Variants in ZDHHC11 observed in about 807,000 individuals in gnomAD.
ZDHHC11 encodes the protein palmitoyltransferase ZDHHC11.
A neutral mutation model predicts 51.3 loss-of-function variants in ZDHHC11; 44 were observed. The ratio of observed to expected loss-of-function variants is 0.86; its 90% CI spans 0.67 to 1.10. ZDHHC11 has a LOEUF of 1.10. ZDHHC11 is among the 50% of genes least tolerant of loss of function. The pLI is 0.00. For synonymous variants in ZDHHC11, 163 were observed against 222.0 expected, an observed-to-expected ratio of 0.73 and a Z score of 2.36; for missense variants, 400 against 537.7, an observed-to-expected ratio of 0.74 and a Z score of 2.53.
At chr5:828,908 C>T (rs112619033) in intron 7 of ZDHHC11, among the ~76,000 whole-genome samples, 18,180 of 128,546 alleles carry the variant, frequency 0.14, 527 homozygotes, top group South Asian at 0.22. Context: ...ATCTTTGGGT[C>T]GACAATGAAA....
intron 1 of ZDHHC11, among the ~76,000 whole-genome samples, chr5:856,831 CCA>C (rs753548228): frequency 4.2e-4 from 64 of 150,694 alleles, no homozygotes; most frequent in African/African-American, 1.4e-3. Flanking sequence ...ACACTGCACA[CCA>C]CACACACCAA....
At chr5:825,365 C>T (rs1742199987) in intron 7 of ZDHHC11, 114 bp from the exon 8 acceptor site, 1 of 1,095,132 alleles carries the variant, frequency 9.1e-7, no homozygotes, top group African/African-American at 1.5e-5. Context: ...GCACACATGT[C>T]TCAGAAACTT....
chr5:833,221 T>C (rs1201695646), intron 7 of ZDHHC11, among the ~76,000 whole-genome samples: 1 of 152,284 alleles, frequency 6.6e-6, no homozygotes, highest in African/African-American at 2.4e-5. Flanking sequence ...AAAATGCGCG[T>C]GCCCTTTGAC....
chr5:803,206 C>T (rs1481378615), intron 11 of ZDHHC11, among the ~76,000 whole-genome samples: 3 of 151,218 alleles, frequency 2.0e-5, no homozygotes, highest in African/African-American at 4.9e-5. Context: ...TGAGGTGGTA[C>T]ATTTTGGTTA....
Position 841,906 on chromosome 5 carries a change from G to C in ZDHHC11, c.629-1256C>G, listed in dbSNP as rs535812795. 22 of 989,050 alleles carry C rather than the reference G, an allele frequency of 2.2e-5. No homozygotes were observed. In the African/African-American group the frequency reaches 3.1e-4, roughly 14 times the overall value. The allele number at this position is 989,050 out of a possible 1,614,324, so 61.3% of individuals were successfully genotyped here. On this transcript the variant is annotated intron_variant, in intron 4 of 12. Coordinates refer to ENST00000283441, the MANE Select transcript of ZDHHC11 (RefSeq NM_024786.3). ...TGACAGACCCTCTCTGGAACTGGTG[G>C]CCTCGGGGCCATCCTAGAAGGCAAA...
intron 10 of ZDHHC11, among the ~76,000 whole-genome samples, chr5:815,007 A>G (rs537083478): frequency 6.6e-6 from 1 of 151,534 alleles, no homozygotes; most frequent in South Asian, 2.1e-4. Flanking sequence ...CCAAATTCAT[A>G]GGTTGACATC....
At chr5:849,582 C>CA (rs1172886638) in intron 1 of ZDHHC11, 2 of 152,262 alleles carry the variant, frequency 1.3e-5, no homozygotes, top group East Asian at 1.9e-4. Flanking sequence ...AAACCCCCCT[C>CA]AGACTCCCTC....
rs1742198498 is a variant in ZDHHC11, at chr5:825,361, A to G, written c.936-110T>C. 4.4e-6 allele frequency: 5 copies of G among 1,128,026 alleles called. No homozygotes were observed. The Admixed American group carries it at 9.2e-5, about 21-fold the overall frequency. The allele number at this position is 1,128,026 out of a possible 1,614,324, so 69.9% of individuals were successfully genotyped here. On this transcript the variant is annotated intron_variant, in intron 7 of 12. Coordinates refer to ENST00000283441, the MANE Select transcript of ZDHHC11 (RefSeq NM_024786.3). ...TCAGCACCACTGCTGTGGGGCACACATGTCTCAGAAACTTGTAGACCAGCA... is the reference window on the plus strand; with the variant it reads ...TCAGCACCACTGCTGTGGGGCACACGTGTCTCAGAAACTTGTAGACCAGCA...
At position 806,318 on chromosome 5, in the gene ZDHHC11, T is replaced by C. The variant is rs576438136; in HGVS notation, c.1182-5154A>G. 1.0e-3 allele frequency among the ~76,000 whole-genome samples: 154 copies of C among 151,114 alleles called. 4 individuals carry two copies. Among genetic ancestry groups the C allele is most frequent in the African/African-American group, 3.5e-3 (144 of 41,090 alleles). ...GTGGGGAGAGGGCCTGCTCAATGAA[T>C]GGAGCTGGAAACAATACAAATCCAT... is the stretch of plus-strand genomic sequence containing the variant. On this transcript the variant is annotated intron_variant, in intron 11 of 12. Transcript: ENST00000283441.
chr5:829,241 A>G (rs753068460), intron 7 of ZDHHC11, among the ~76,000 whole-genome samples: 7 of 151,338 alleles, frequency 4.6e-5, no homozygotes, highest in Non-Finnish European at 4.4e-5. Context: ...AACAAAATTG[A>G]TTGACCATTA....
chr5:813,951 A>C (rs1191047420), intron 11 of ZDHHC11, among the ~76,000 whole-genome samples: 1 of 150,798 alleles, frequency 6.6e-6, no homozygotes, highest in African/African-American at 2.5e-5. Context: ...TTTCCACTTC[A>C]TTTTCTTTTA....
chr5:842,214 C>T, intron 4 of ZDHHC11: 1 of 985,844 alleles, frequency 1.0e-6, no homozygotes, highest in Non-Finnish European at 1.2e-6. Flanking sequence ...ATCTTGGCCA[C>T]CTCTGCTCTC....
chr5:834,547 T>C (rs1309759041), intron 6 of ZDHHC11, among the ~76,000 whole-genome samples: 17 of 152,186 alleles, frequency 1.1e-4, no homozygotes, highest in Non-Finnish European at 1.9e-4. Flanking sequence ...AATTGCACTT[T>C]GAAAGCTCTT....
At chr5:852,009 T>C (rs562383340), upstream of ZDHHC11, among the ~76,000 whole-genome samples, 7 of 150,672 alleles carry the variant, frequency 4.6e-5, no homozygotes, top group African/African-American at 1.7e-4. Context: ...TGAGCCAAGA[T>C]TGCACCACTG....
chr5:801,687 T>G (rs1461125108), intron 11 of ZDHHC11, among the ~76,000 whole-genome samples: 297 of 150,560 alleles, frequency 2.0e-3, no homozygotes, highest in African/African-American at 6.9e-3. Flanking sequence ...CAGCTGGCAG[T>G]AGAAGTGACC....
chr5:824,765 TATTTAA>T (rs1218292344), intron 8 of ZDHHC11, among the ~76,000 whole-genome samples: 1 of 89,228 alleles, frequency 1.1e-5, no homozygotes, highest in African/African-American at 1.5e-4. Flanking sequence ...CTAAGCATTT[TATTTAA>T]AAAAAAAAAA....
chr5:807,396 C>T (rs1191599025), intron 11 of ZDHHC11, among the ~76,000 whole-genome samples: 4 of 151,266 alleles, frequency 2.6e-5, no homozygotes, highest in Admixed American at 2.6e-4. Context: ...GGTGCAAGGA[C>T]TTGGAATAGG....
intron 6 of ZDHHC11, among the ~76,000 whole-genome samples, chr5:835,621 T>C (rs1390413125): frequency 6.6e-6 from 1 of 152,086 alleles, no homozygotes; most frequent in Non-Finnish European, 1.5e-5. Flanking sequence ...CACCTTGTCA[T>C]TTCTGCTAAA....
intron 1 of ZDHHC11, among the ~76,000 whole-genome samples, chr5:858,399 CGT>C (rs1748588457): frequency 7.1e-6 from 1 of 140,892 alleles, no homozygotes; most frequent in African/African-American, 2.8e-5. Flanking sequence ...TCCAGGTCCC[CGT>C]CCTGTCTTTA....
Sources: gnomAD v4.1 joint callset for allele counts (sites outside exome capture counted in the v4.1 genomes callset) on GRCh38, gnomAD v4.1.1 for gene constraint, MANE v1.5 for transcripts, NCBI Gene and HGNC (gene_info 2026-07-23, HGNC 2026-07-21) for gene names.